The following TTC1 variants were observed in gnomAD, a reference collection of about 807,000 sequenced individuals.
The protein encoded by TTC1 is tetratricopeptide repeat domain 1, also known as tetratricopeptide repeat protein 1.
A neutral mutation model predicts 37.6 loss-of-function variants in TTC1; 31 were observed. The ratio of observed to expected loss-of-function variants is 0.82; its 90% CI spans 0.62 to 1.11. The LOEUF (loss-of-function observed/expected upper bound fraction) is 1.11. Among genes scored for constraint, TTC1 ranks in the 50% most tolerant of loss-of-function variants. TTC1 has a pLI of 0.00. For synonymous variants in TTC1, 127 were observed against 122.4 expected (o/e 1.04, Z -0.25); for missense variants, 351 against 339.0 (o/e 1.04, Z -0.28).
At chr5:160,010,257 CAAAAAAAAAA>C (rs397882520) in intron 1 of TTC1, among the ~76,000 whole-genome samples, 2 of 50,320 alleles carry the variant, frequency 4.0e-5, no homozygotes, top group African/African-American at 1.6e-4. Flanking sequence ...GATTAAGTCT[CAAAAAAAAAA>C]AAAAAAAAAA....
At chr5:160,017,824 C>T (rs1561625269) in intron 2 of TTC1, among the ~76,000 whole-genome samples, 1 of 152,174 alleles carries the variant, frequency 6.6e-6, no homozygotes, top group Non-Finnish European at 1.5e-5. Flanking sequence ...TTATAAGTTA[C>T]AGAAATTTTT....
At chr5:160,019,090 C>T (rs770560336) in intron 2 of TTC1, among the ~76,000 whole-genome samples, 1 of 152,138 alleles carries the variant, frequency 6.6e-6, no homozygotes, top group Non-Finnish European at 1.5e-5. Context: ...AGCCAAAATG[C>T]AGATTTAGTC....
At chr5:160,051,827 A>C (rs970185789) in intron 7 of TTC1, among the ~76,000 whole-genome samples, 2 of 152,116 alleles carry the variant, frequency 1.3e-5, no homozygotes, top group Non-Finnish European at 2.9e-5. Context: ...TCCACATGTA[A>C]CCTGTCTGAT....
chr5:160,035,009 G>T, intron 2 of TTC1, 131 bp from the exon 3 acceptor site: 1 of 630,366 alleles, frequency 1.6e-6, no homozygotes, highest in African/African-American at 1.9e-5. Flanking sequence ...ACAAGGTTTT[G>T]GTGAAACTGA....
intron 2 of TTC1, chr5:160,023,789 T>C: frequency 1.2e-6 from 2 of 1,613,548 alleles, no homozygotes; most frequent in Non-Finnish European, 1.7e-6. Context: ...TTTTGATGTG[T>C]GCCTTGCCCT....
intron 4 of TTC1, among the ~76,000 whole-genome samples, chr5:160,041,476 A>G (rs1373419091): frequency 1.3e-5 from 2 of 151,696 alleles, no homozygotes; most frequent in Admixed American, 1.3e-4. Flanking sequence ...ATGCCCAGCT[A>G]ATTTTTTTGT....
intron 4 of TTC1, among the ~76,000 whole-genome samples, chr5:160,039,726 TTG>T (rs1197015139): frequency 6.6e-6 from 1 of 152,212 alleles, no homozygotes; most frequent in African/African-American, 2.4e-5. Flanking sequence ...AACTGTGAAA[TTG>T]TGTGTCTTTG....
chr5:160,036,447 A>C (rs898656987), intron 3 of TTC1: 1 of 372,972 alleles, frequency 2.7e-6, no homozygotes, highest in African/African-American at 2.0e-5. Flanking sequence ...TGTCACTGAC[A>C]GCATGTTCAG....
At chr5:160,027,386 T>C (rs1330521292) in intron 2 of TTC1, among the ~76,000 whole-genome samples, 2 of 152,234 alleles carry the variant, frequency 1.3e-5, no homozygotes, top group African/African-American at 2.4e-5. Context: ...AGCTTTGCTT[T>C]AGCATAGCTC....
chr5:160,034,677 T>A (rs1355161212), intron 2 of TTC1, among the ~76,000 whole-genome samples: 1 of 152,202 alleles, frequency 6.6e-6, no homozygotes, highest in East Asian at 1.9e-4. Context: ...CAGTAGTCCA[T>A]AATACTATTA....
intron 4 of TTC1, chr5:160,039,098 G>T (rs888105996): frequency 5.3e-5 from 8 of 152,154 alleles, no homozygotes; most frequent in African/African-American, 1.9e-4. Flanking sequence ...ACTGCTTTAA[G>T]AGGTAAAGAT....
chr5:160,016,741 A>G (rs921221780), intron 2 of TTC1, among the ~76,000 whole-genome samples: 48 of 152,358 alleles, frequency 3.2e-4, no homozygotes, highest in African/African-American at 1.1e-3. Flanking sequence ...ACAAAAGCAC[A>G]TGAAGCTGAC....
chr5:160,044,580 G>C (rs113165269), intron 5 of TTC1, among the ~76,000 whole-genome samples: 2 of 152,342 alleles, frequency 1.3e-5, no homozygotes, highest in African/African-American at 4.8e-5. Flanking sequence ...TGCTGGTGGG[G>C]ATGTCTTTTA....
intron 4 of TTC1, 120 bp from the exon 5 acceptor site, chr5:160,043,013 T>A: frequency 9.6e-7 from 1 of 1,043,360 alleles, no homozygotes; most frequent in South Asian, 2.0e-5. Context: ...TTACGTAATT[T>A]CTTTGAAAAC....
rs1007953827 is a variant in TTC1 at position 160,023,752 on chromosome 5, TTTC to T, written c.331-11379_331-11377del. On this transcript the variant is annotated intron_variant, in intron 2 of 7. Transcript: ENST00000231238. ...TGTGCTTCTTCTTGTGCTTCTTCTTTTTCTTCTTCTTTGCTGCCTTGCTGTCTT... is the reference window on the plus strand; with the variant it reads ...TGTGCTTCTTCTTGTGCTTCTTCTTTTTCTTCTTTGCTGCCTTGCTGTCTT... 5.9e-5 allele frequency: 95 copies of T among 1,612,454 alleles called. No individual in the cohort carries two copies. In the East Asian group the frequency reaches 1.0e-3, roughly 17 times the overall value.
At chr5:160,059,729 G>A (rs4509063) in intron 7 of TTC1, among the ~76,000 whole-genome samples, 87,589 of 151,980 alleles carry the variant, frequency 0.58, 25,352 homozygotes, top group East Asian at 0.62. Context: ...TGTCTTATGC[G>A]GGTGCAGTTC....
At chr5:160,025,664 A>C (rs1161433250) in intron 2 of TTC1, among the ~76,000 whole-genome samples, 1 of 152,212 alleles carries the variant, frequency 6.6e-6, no homozygotes, top group Non-Finnish European at 1.5e-5. Flanking sequence ...TGCATTACTC[A>C]GTTCTACTTC....
At position 160,057,808 on chromosome 5, in the gene TTC1, C is replaced by T. The variant is rs956983883; in HGVS notation, c.745+6625C>T. On this transcript the variant is annotated intron_variant, in intron 7 of 7. Transcript: ENST00000231238. The surrounding 1 kb of genome is among the most constrained non-coding windows in gnomAD (Gnocchi z 4.4). The stretch of plus-strand genomic sequence containing the variant: ...TGTGTGACACAGAGCCTCATTCTGT[C>T]GCCAGGCTGGAGTGCAGTGGCACAA... Among the ~76,000 whole-genome samples the T allele has an allele frequency of 2.6e-5, 4 of 152,142 alleles. No individual in the cohort carries two copies. The highest frequency in any genetic ancestry group is 9.7e-5 in the African/African-American group (4 of 41,408).
chr5:160,032,026 G>A (rs1009175544), intron 2 of TTC1, among the ~76,000 whole-genome samples: 7 of 152,274 alleles, frequency 4.6e-5, no homozygotes, highest in African/African-American at 1.4e-4. Flanking sequence ...AGTATTTCTC[G>A]AGCTGGCTGC....
Sources: allele counts gnomAD v4.1 joint callset (sites outside exome capture counted in the v4.1 genomes callset), GRCh38; gene constraint gnomAD v4.1.1; non-coding constraint Gnocchi (gnomAD v3.1); transcripts MANE v1.5; gene names NCBI Gene and HGNC (gene_info 2026-07-23, HGNC 2026-07-21).